The following KCNH5 variants were observed in gnomAD, a reference collection of about 807,000 sequenced individuals.
KCNH5 encodes the protein potassium voltage-gated channel subfamily H member 5, also known as voltage-gated delayed rectifier potassium channel KCNH5.
Under a neutral mutation model 96.1 loss-of-function variants are expected in KCNH5, and 46 were observed. The ratio of observed to expected loss-of-function variants is 0.48; its 90% CI spans 0.38 to 0.61. The LOEUF (loss-of-function observed/expected upper bound fraction) is 0.61. KCNH5 is among the 20% of genes least tolerant of loss of function. The probability of loss-of-function intolerance (pLI) is 0.00; values close to 1 mark genes in which losing one functional copy is unlikely to be tolerated. For missense variants in KCNH5, 907 were observed against 1,225.8 expected (o/e 0.74, Z 3.88); for synonymous variants, 439 against 449.8 (o/e 0.98, Z 0.30).
chr14:62,913,388 C>T (rs1162141354), intron 7 of KCNH5, among the ~76,000 whole-genome samples: 1 of 151,446 alleles, frequency 6.6e-6, no homozygotes, highest in Non-Finnish European at 1.5e-5. Flanking sequence ...CCAGCATGCC[C>T]GGCTAATTTT....
chr14:62,728,902 T>C (rs1884992216), intron 10 of KCNH5, among the ~76,000 whole-genome samples: 3 of 152,216 alleles, frequency 2.0e-5, no homozygotes, highest in African/African-American at 7.2e-5. Context: ...TGTAGAAGAC[T>C]AAGAGCATGG....
At chr14:62,718,494 T>C (rs1445036950) in intron 10 of KCNH5, among the ~76,000 whole-genome samples, 1 of 152,036 alleles carries the variant, frequency 6.6e-6, no homozygotes, top group Non-Finnish European at 1.5e-5. Flanking sequence ...GAAATGCAAA[T>C]TAAAACTACA....
chr14:62,885,807 T>C (rs920691682), intron 7 of KCNH5, among the ~76,000 whole-genome samples: 1 of 152,180 alleles, frequency 6.6e-6, no homozygotes, highest in Non-Finnish European at 1.5e-5. Context: ...GAGTCATTAT[T>C]TATCATAATG....
At chr14:62,845,722 T>C (rs141196850) in intron 8 of KCNH5, among the ~76,000 whole-genome samples, 190 of 150,898 alleles carry the variant, frequency 1.3e-3, no homozygotes, top group Non-Finnish European at 2.1e-3. Context: ...AAGGTAGTGT[T>C]TCCGTTAATT....
chr14:62,800,614 T>C (rs1886641205), intron 9 of KCNH5, among the ~76,000 whole-genome samples: 1 of 152,152 alleles, frequency 6.6e-6, no homozygotes, highest in Admixed American at 6.5e-5. Flanking sequence ...ACATTTGATA[T>C]TTTTTTCCTA....
chr14:62,849,915 G>T, intron 7 of KCNH5, 63 bp from the exon 8 acceptor site: 2 of 1,300,980 alleles, frequency 1.5e-6, no homozygotes, highest in Non-Finnish European at 2.2e-6. Context: ...ACAAATATTT[G>T]CTAAATCAAT....
chr14:62,962,298 G>T (rs1890228450), intron 6 of KCNH5, among the ~76,000 whole-genome samples: 2 of 152,110 alleles, frequency 1.3e-5, no homozygotes, highest in Non-Finnish European at 1.5e-5. Flanking sequence ...ATATTTGATT[G>T]CATTTGATCA....
At chr14:62,998,035 T>C (rs1890942094) in intron 4 of KCNH5, among the ~76,000 whole-genome samples, 1 of 152,178 alleles carries the variant, frequency 6.6e-6, no homozygotes, top group Non-Finnish European at 1.5e-5. Context: ...GCTTCTATTA[T>C]CTGGAAAAGA....
At chr14:62,964,700 C>T (rs1338609781) in intron 6 of KCNH5, among the ~76,000 whole-genome samples, 2 of 152,072 alleles carry the variant, frequency 1.3e-5, no homozygotes, top group Non-Finnish European at 2.9e-5. Flanking sequence ...AATTTTATAA[C>T]CCAGGAATGT....
chr14:62,927,988 G>A (rs1290312850), intron 7 of KCNH5, among the ~76,000 whole-genome samples: 5 of 152,050 alleles, frequency 3.3e-5, no homozygotes, highest in African/African-American at 7.2e-5. Context: ...ATTTCATCCC[G>A]ACACTGTGAA....
chr14:62,802,253 C>G, intron 9 of KCNH5, 76 bp downstream of exon 9: 1 of 1,484,810 alleles, frequency 6.7e-7, no homozygotes, highest in Non-Finnish European at 9.2e-7. Flanking sequence ...GGAAATTTCT[C>G]TTTAAAAATG....
chr14:62,890,187 A>G (rs1254052167), intron 7 of KCNH5, among the ~76,000 whole-genome samples: 1 of 152,202 alleles, frequency 6.6e-6, no homozygotes, highest in Non-Finnish European at 1.5e-5. Flanking sequence ...ATTTCATGAC[A>G]AAGACACCAA....
Position 62,704,960 on chromosome 14 carries a change from C to T in KCNH5, c.*2548G>A, listed in dbSNP as rs933477658. ...ACAATGTTTGCTGAAAACATGCATTCCTGCTGAAAACAGCAGGGTGCATTC... is the reference window on the plus strand; with the variant it reads ...ACAATGTTTGCTGAAAACATGCATTTCTGCTGAAAACAGCAGGGTGCATTC... On this transcript the variant is annotated 3_prime_UTR_variant, in exon 11 of 11. Transcript: ENST00000322893. The T allele has an allele frequency of 6.6e-6, 1 of 151,914 alleles. No individual in the cohort carries two copies. The highest frequency in any genetic ancestry group is 1.5e-5 in the Non-Finnish European group (1 of 67,836). The allele number at this position is 151,914 out of a possible 1,614,324, so 9.4% of individuals were successfully genotyped here.
chr14:63,040,885 T>G (rs2139633874), intron 1 of KCNH5, among the ~76,000 whole-genome samples: 1 of 152,206 alleles, frequency 6.6e-6, no homozygotes, highest in Non-Finnish European at 1.5e-5. Flanking sequence ...ACTGAGTTTC[T>G]TCTCTTGAAA....
intron 10 of KCNH5, among the ~76,000 whole-genome samples, chr14:62,728,926 C>A (rs1884992964): frequency 6.6e-6 from 1 of 152,150 alleles, no homozygotes; most frequent in African/African-American, 2.4e-5. Context: ...ATTTAAAGAA[C>A]CTTGAGCTGT....
chr14:62,878,616 T>C (rs1199873184), intron 7 of KCNH5, among the ~76,000 whole-genome samples: 2 of 152,138 alleles, frequency 1.3e-5, no homozygotes, highest in African/African-American at 4.8e-5. Context: ...TATAACTCAA[T>C]AAATAAACCA....
chr14:62,956,514 T>A (rs532479541), intron 6 of KCNH5, among the ~76,000 whole-genome samples: 79 of 148,246 alleles, frequency 5.3e-4, no homozygotes, highest in Non-Finnish European at 8.9e-4. Context: ...TATTTAAACA[T>A]CAAAAAAATG....
intron 9 of KCNH5, among the ~76,000 whole-genome samples, chr14:62,781,057 C>T (rs1200093069): frequency 1.3e-5 from 2 of 151,490 alleles, no homozygotes; most frequent in East Asian, 3.9e-4. Flanking sequence ...CCGATATTCA[C>T]ATAGGTTCTT....
At chr14:62,926,170 G>A (rs1340065466) in intron 7 of KCNH5, among the ~76,000 whole-genome samples, 1 of 152,118 alleles carries the variant, frequency 6.6e-6, no homozygotes, top group Non-Finnish European at 1.5e-5. Context: ...AGACAAGAAG[G>A]ATAGGCTTGC....
Sources: allele counts gnomAD v4.1 joint callset (sites outside exome capture counted in the v4.1 genomes callset), GRCh38; gene constraint gnomAD v4.1.1; transcripts MANE v1.5; gene names NCBI Gene and HGNC (gene_info 2026-07-23, HGNC 2026-07-21).